PTPN13: variants seen among roughly 807,000 people sequenced by gnomAD.
PTPN13 encodes protein tyrosine phosphatase non-receptor type 13, also known as tyrosine-protein phosphatase non-receptor type 13.
In PTPN13, 191 loss-of-function variants were observed where a neutral mutation model predicts 284.0. That is an observed-to-expected ratio of 0.67 (90% confidence interval 0.60 to 0.76). PTPN13 has a LOEUF of 0.76. Ranked by LOEUF, PTPN13 falls within the 30% of genes least tolerant of loss-of-function variation. The pLI is 0.00. For synonymous variants in PTPN13, 986 were observed against 1,022.3 expected (o/e 0.96, Z 0.68); for missense variants, 2,797 against 2,939.9 (o/e 0.95, Z 1.12).
chr4:86,800,611 C>T (rs1743908071), intron 42 of PTPN13, among the ~76,000 whole-genome samples: 1 of 150,536 alleles, frequency 6.6e-6, no homozygotes, highest in Admixed American at 6.6e-5. Context: ...GAGATTGCGT[C>T]ACTGCACTCC....
At chr4:86,653,495 C>CTTTTTTTTTTTTTTTTTTTTTT (rs561218570) in intron 2 of PTPN13, among the ~76,000 whole-genome samples, 1 of 141,068 alleles carries the variant, frequency 7.1e-6, no homozygotes. Context: ...CGCCTCAACT[C>CTTTTTTTTTTTTTTTTTTTTTT]TTTTTTTTTT....
chr4:86,743,700 A>G (rs954828103), intron 16 of PTPN13, among the ~76,000 whole-genome samples: 1 of 152,186 alleles, frequency 6.6e-6, no homozygotes, highest in African/African-American at 2.4e-5. Flanking sequence ...AATTTATATA[A>G]ATAAGAAAAG....
chr4:86,707,553 A>G (rs528669332), intron 7 of PTPN13, among the ~76,000 whole-genome samples: 1 of 152,342 alleles, frequency 6.6e-6, no homozygotes, highest in Admixed American at 6.5e-5. Flanking sequence ...TAAGAAAAGC[A>G]AAGGGATGAA....
intron 3 of PTPN13, among the ~76,000 whole-genome samples, chr4:86,680,347 CTCTATCTATCTATCTATCTATCTA>C (rs56694637): frequency 2.8e-5 from 4 of 142,550 alleles, no homozygotes; most frequent in South Asian, 2.4e-4. Context: ...TTCTATCTAT[CTCTATCTATCTATCTATCTATCTA>C]TCTATCTATC....
chr4:86,655,124 C>T (rs1725603251), intron 2 of PTPN13, among the ~76,000 whole-genome samples: 1 of 152,118 alleles, frequency 6.6e-6, no homozygotes, highest in African/African-American at 2.4e-5. Flanking sequence ...TTATTTTGAG[C>T]CCATGTGTGT....
intron 1 of PTPN13, among the ~76,000 whole-genome samples, chr4:86,602,143 T>C (rs1338277394): frequency 6.6e-6 from 1 of 152,136 alleles, no homozygotes; most frequent in Non-Finnish European, 1.5e-5. Context: ...GTGATTTGTT[T>C]TTAGATGTTG....
At position 86,775,106 on chromosome 4, in the gene PTPN13, T is replaced by A. The variant is rs1338013353; in HGVS notation, c.5509-65T>A. The A allele has an allele frequency of 4.6e-5, 55 of 1,202,608 alleles. No homozygotes were observed. In the East Asian group the frequency reaches 1.4e-3, roughly 31 times the overall value. 74.5% of individuals were successfully genotyped at this position (1,202,608 alleles called of 1,614,324 possible). A position where few individuals can be genotyped will look rare whatever the true frequency, so the allele number is the denominator to read the frequency against. ...AAATTAGGAGGATTATTGTATTTTCTTGGCAATTTAGCTTCTCTTTTCTAA... is the reference window on the plus strand; with the variant it reads ...AAATTAGGAGGATTATTGTATTTTCATGGCAATTTAGCTTCTCTTTTCTAA... On this transcript the variant is annotated intron_variant, in intron 33 of 47. Transcript: ENST00000411767.
chr4:86,785,828 C>CCTAT lies in PTPN13; in HGVS notation c.6257-19_6257-16dup, dbSNP rs1565575502. On this transcript the variant is annotated intron_variant, in intron 39 of 47. Transcript: ENST00000411767. ...CAATAGTTTTATAAATTCCTCTTGG[C>CCTAT]CTATATATTCCTCTCTCAGGTACAT... The CCTAT allele has an allele frequency of 6.9e-7, 1 of 1,451,320 alleles. No homozygotes were observed. Among genetic ancestry groups the CCTAT allele is most frequent in the Non-Finnish European group, 9.4e-7 (1 of 1,067,350 alleles). 89.9% of individuals were successfully genotyped at this position (1,451,320 alleles called of 1,614,324 possible).
intron 17 of PTPN13, 53 bp downstream of exon 17, chr4:86,745,181 G>C (rs17454369): frequency 0.047 from 70,938 of 1,524,600 alleles, 1,941 homozygotes; most frequent in Non-Finnish European, 0.054. Flanking sequence ...AATAATTTTT[G>C]CCACCAAGTT....
intron 2 of PTPN13, among the ~76,000 whole-genome samples, chr4:86,639,518 G>A (rs909615847): frequency 5.9e-5 from 9 of 152,140 alleles, no homozygotes; most frequent in Admixed American, 1.3e-4. Flanking sequence ...ATGAGTTCAT[G>A]TCCTTTGTAG....
At chr4:86,618,551 A>T (rs1565156896) in intron 1 of PTPN13, among the ~76,000 whole-genome samples, 1 of 152,126 alleles carries the variant, frequency 6.6e-6, no homozygotes, top group East Asian at 1.9e-4. Context: ...GATTCTTCCT[A>T]CCCATGAGCA....
rs762139708 is a variant in PTPN13, at chr4:86,769,893, T to G, written c.4614T>G (p.Pro1538=). The change falls in exon 29 of 48, where the codon CCT becomes CCG. Residue 1538 remains proline, a synonymous_variant. Coordinates refer to ENST00000411767, the MANE Select transcript of PTPN13 (RefSeq NM_080683.3). ...ASIVRVKKLF[P]GQPAAESGKI... ...TAGTAAGGGTTAAAAAGCTCTTTCC[T>G]GGACAGCCAGCAGCAGAAAGTGGAA... is the stretch of plus-strand genomic sequence containing the variant. 1 of 1,613,982 alleles carries G rather than the reference T, an allele frequency of 6.2e-7. No individual in the cohort carries two copies. The highest frequency in any genetic ancestry group is 8.5e-7 in the Non-Finnish European group (1 of 1,179,870).
chr4:86,758,256 A>AT lies in PTPN13; in HGVS notation c.3224-3dup, dbSNP rs1565498411. The AT allele has an allele frequency of 1.9e-6, 3 of 1,589,082 alleles. No homozygotes were observed. The highest frequency in any genetic ancestry group is 2.6e-6 in the Non-Finnish European group (3 of 1,160,974). On this transcript the variant is annotated splice_region_variant and splice_polypyrimidine_tract_variant and intron_variant, in intron 20 of 47. Transcript: ENST00000411767. Reference sequence around the variant, plus strand: ...TTTATTTTTAAATTATAAATTCCCAATAGATGTGCTACACAAAAGATGGAG... The same window carrying AT: ...TTTATTTTTAAATTATAAATTCCCAATTAGATGTGCTACACAAAAGATGGAG...
intron 42 of PTPN13, among the ~76,000 whole-genome samples, chr4:86,803,161 T>C (rs909162931): frequency 2.0e-5 from 3 of 151,294 alleles, no homozygotes; most frequent in African/African-American, 4.9e-5. Context: ...CATGTATTTT[T>C]TATATATACA....
At chr4:86,603,769 G>A (rs1249590793) in intron 1 of PTPN13, among the ~76,000 whole-genome samples, 1 of 151,894 alleles carries the variant, frequency 6.6e-6, no homozygotes. Flanking sequence ...GATTTATTCA[G>A]CATGAACTCA....
chr4:86,625,574 G>A (rs775474362), intron 1 of PTPN13, among the ~76,000 whole-genome samples: 1 of 151,962 alleles, frequency 6.6e-6, no homozygotes, highest in Non-Finnish European at 1.5e-5. Context: ...TTTTTTGTGT[G>A]TATGTGTGTG....
chr4:86,610,580 G>C (rs1003138601), intron 1 of PTPN13, among the ~76,000 whole-genome samples: 6 of 152,206 alleles, frequency 3.9e-5, no homozygotes, highest in Admixed American at 3.9e-4. Context: ...AGATAAAGTG[G>C]GAAGCTACTA....
At chr4:86,797,652 A>G (rs1029805389) in intron 41 of PTPN13, among the ~76,000 whole-genome samples, 1 of 152,172 alleles carries the variant, frequency 6.6e-6, no homozygotes, top group African/African-American at 2.4e-5. Flanking sequence ...AAATGTGGCA[A>G]CAATCATGAT....
At chr4:86,780,363 G>A in intron 35 of PTPN13, 39 bp from the exon 36 acceptor site, 1 of 1,515,268 alleles carries the variant, frequency 6.6e-7, no homozygotes, top group Non-Finnish European at 9.0e-7. Context: ...AGGCTACAAT[G>A]TCCAAGACAA....
Sources: allele counts gnomAD v4.1 joint callset (sites outside exome capture counted in the v4.1 genomes callset), GRCh38; gene constraint gnomAD v4.1.1; transcripts MANE v1.5; gene names NCBI Gene and HGNC (gene_info 2026-07-23, HGNC 2026-07-21).